PTPRM: variants seen among roughly 807,000 people sequenced by gnomAD.
The protein encoded by PTPRM is protein tyrosine phosphatase receptor type M.
A neutral mutation model predicts 186.7 loss-of-function variants in PTPRM; 47 were observed. That is an observed-to-expected ratio of 0.25 (90% confidence interval 0.20 to 0.32). PTPRM has a LOEUF of 0.32. Ranked by LOEUF, PTPRM falls within the 10% of genes least tolerant of loss-of-function variation. PTPRM has a pLI of 1.00. For missense variants in PTPRM, 1,494 were observed against 1,865.0 expected, an observed-to-expected ratio of 0.80 and a Z score of 3.66; for synonymous variants, 668 against 674.9, an observed-to-expected ratio of 0.99 and a Z score of 0.16.
chr18:7,671,734 G>A lies in PTPRM; in HGVS notation c.74-102415G>A, dbSNP rs150562005. On this transcript the variant is annotated intron_variant, in intron 1 of 32. Coordinates refer to ENST00000580170, the MANE Select transcript of PTPRM (RefSeq NM_001105244.2). ...TAAAGAATTGGACATTGCCAGGTGG[G>A]GGCAGAGAAAGCCAGAGTTTTTAAA... Among the ~76,000 whole-genome samples the A allele has an allele frequency of 5.9e-4, 90 of 152,064 alleles. No individual in the cohort carries two copies. In the East Asian group the frequency reaches 0.016, roughly 28 times the overall value.
chr18:7,884,924 C>T (rs1247899841), intron 2 of PTPRM, among the ~76,000 whole-genome samples: 2 of 37,850 alleles, frequency 5.3e-5, no homozygotes, highest in Non-Finnish European at 9.5e-5. Context: ...AGCTCCATCT[C>T]AAAAAAAAAA....
chr18:8,344,448 G>A (rs9949757), intron 23 of PTPRM, among the ~76,000 whole-genome samples: 1,749 of 32,956 alleles, frequency 0.053, 36 homozygotes, highest in African/African-American at 0.079. Flanking sequence ...GTGTGTGTGT[G>A]TATATATATA....
chr18:7,606,302 G>A (rs2037528813), intron 1 of PTPRM, among the ~76,000 whole-genome samples: 1 of 152,110 alleles, frequency 6.6e-6, no homozygotes, highest in Non-Finnish European at 1.5e-5. Context: ...GCATCTTACT[G>A]TGGTTGCTTC....
At chr18:8,161,481 T>C (rs1568445255) in intron 14 of PTPRM, among the ~76,000 whole-genome samples, 1 of 152,020 alleles carries the variant, frequency 6.6e-6, no homozygotes, top group African/African-American at 2.4e-5. Context: ...GGCAAGTATA[T>C]TACAGTGTCA....
At chr18:7,666,129 G>T (rs1214121201) in intron 1 of PTPRM, among the ~76,000 whole-genome samples, 2 of 152,130 alleles carry the variant, frequency 1.3e-5, no homozygotes, top group Non-Finnish European at 2.9e-5. Flanking sequence ...TAAAAGACTT[G>T]AGGCAAAGCT....
rs116385202 is a variant in PTPRM, at chr18:7,980,314, G to A, written c.1132+24900G>A. On this transcript the variant is annotated intron_variant, in intron 7 of 32. Coordinates refer to ENST00000580170, the MANE Select transcript of PTPRM (RefSeq NM_001105244.2). ...TTGCCTAGCCTCAGCCACTACTATG[G>A]CTCCTTATTGCACCCATGTTCACTC... Among the ~76,000 whole-genome samples, 331 of 152,002 alleles carry A rather than the reference G, an allele frequency of 2.2e-3. 4 individuals carry two copies. The highest frequency in any genetic ancestry group is 7.6e-3 in the African/African-American group (316 of 41,464).
intron 8 of PTPRM, 125 bp downstream of exon 8, chr18:8,070,119 T>C: frequency 1.2e-6 from 1 of 832,078 alleles, no homozygotes; most frequent in East Asian, 2.7e-5. Flanking sequence ...CACAAATGTG[T>C]ATCTGTACTC....
intron 2 of PTPRM, among the ~76,000 whole-genome samples, chr18:7,870,870 C>G (rs1245319366): frequency 6.6e-6 from 1 of 152,162 alleles, no homozygotes; most frequent in Non-Finnish European, 1.5e-5. Flanking sequence ...AGAACCGTCT[C>G]TCTGGCAGTT....
intron 14 of PTPRM, among the ~76,000 whole-genome samples, chr18:8,154,328 G>A (rs2093074610): frequency 1.3e-5 from 2 of 152,206 alleles, no homozygotes; most frequent in African/African-American, 4.8e-5. Context: ...GGACTGGTTA[G>A]CCTATGTTTC....
At chr18:8,071,380 T>A (rs1178146062) in intron 8 of PTPRM, among the ~76,000 whole-genome samples, 1 of 152,216 alleles carries the variant, frequency 6.6e-6, no homozygotes, top group Non-Finnish European at 1.5e-5. Context: ...CAAATCCTTA[T>A]TATTTTATGC....
intron 2 of PTPRM, among the ~76,000 whole-genome samples, chr18:7,860,079 AT>A (rs536051040): frequency 1.8e-4 from 27 of 147,786 alleles, no homozygotes; most frequent in East Asian, 2.0e-4. Flanking sequence ...TTTTTATTTT[AT>A]TTTTTTTTTT....
intron 7 of PTPRM, among the ~76,000 whole-genome samples, chr18:7,990,420 T>G (rs2083203748): frequency 1.3e-5 from 2 of 152,236 alleles, no homozygotes; most frequent in Admixed American, 1.3e-4. Flanking sequence ...CTATGTTGAC[T>G]TACTTTGGAT....
chr18:7,912,634 C>T, intron 4 of PTPRM, among the ~76,000 whole-genome samples: 1 of 151,848 alleles, frequency 6.6e-6, no homozygotes, highest in East Asian at 1.9e-4. Context: ...GCCTCAGCCT[C>T]TCGAGTAGTT....
At chr18:7,634,928 T>G (rs542115598) in intron 1 of PTPRM, among the ~76,000 whole-genome samples, 87 of 152,294 alleles carry the variant, frequency 5.7e-4, no homozygotes, top group African/African-American at 2.0e-3. Flanking sequence ...ATATTAAATG[T>G]CCCTAAGATA....
chr18:7,624,664 A>T (rs1234764470), intron 1 of PTPRM, among the ~76,000 whole-genome samples: 2 of 151,992 alleles, frequency 1.3e-5, no homozygotes, highest in Non-Finnish European at 1.5e-5. Flanking sequence ...CTGGGTAGAG[A>T]TGGGGTTTTG....
chr18:8,065,583 A>G (rs1179979781), intron 7 of PTPRM, among the ~76,000 whole-genome samples: 3 of 152,158 alleles, frequency 2.0e-5, no homozygotes, highest in African/African-American at 7.2e-5. Context: ...GCCTGTCATG[A>G]TACCCTTTCA....
At chr18:8,186,325 CAAAA>C (rs5822996) in intron 14 of PTPRM, among the ~76,000 whole-genome samples, 4 of 94,774 alleles carry the variant, frequency 4.2e-5, no homozygotes, top group Non-Finnish European at 6.5e-5. Flanking sequence ...TACTCCATCT[CAAAA>C]AAAAAAAAAA....
chr18:7,748,088 A>C (rs1462493768), intron 1 of PTPRM, among the ~76,000 whole-genome samples: 1 of 152,144 alleles, frequency 6.6e-6, no homozygotes, highest in Non-Finnish European at 1.5e-5. Flanking sequence ...CACAAGGACT[A>C]TATTTCCTAG....
At chr18:8,204,731 T>C (rs2093903728) in intron 14 of PTPRM, among the ~76,000 whole-genome samples, 1 of 152,012 alleles carries the variant, frequency 6.6e-6, no homozygotes, top group African/African-American at 2.4e-5. Flanking sequence ...AGAGCCCTTC[T>C]TCATAAGTAA....
Sources: gnomAD v4.1 joint callset for allele counts (sites outside exome capture counted in the v4.1 genomes callset) on GRCh38, gnomAD v4.1.1 for gene constraint, MANE v1.5 for transcripts, NCBI Gene and HGNC (gene_info 2026-07-23, HGNC 2026-07-21) for gene names.